Variants in POMGNT1 observed in about 807,000 individuals in gnomAD.
POMGNT1 encodes the protein protein O-linked-mannose beta-1,2-N-acetylglucosaminyltransferase 1.
A neutral mutation model predicts 95.6 loss-of-function variants in POMGNT1; 67 were observed. The ratio of observed to expected loss-of-function variants is 0.70; its 90% CI spans 0.58 to 0.86. The LOEUF is 0.86. POMGNT1 is among the 40% of genes least tolerant of loss of function. POMGNT1 has a pLI of 0.00. For synonymous variants in POMGNT1, 298 were observed against 317.9 expected (o/e 0.94, Z 0.66); for missense variants, 719 against 855.2 (o/e 0.84, Z 1.99).
rs765986611 is a variant in POMGNT1 at position 46,196,732 on chromosome 1, G to A, written c.353C>T (p.Thr118Met). 9.3e-6 allele frequency: 15 copies of A among 1,614,002 alleles called. No individual in the cohort carries two copies. Among genetic ancestry groups the A allele is most frequent in the East Asian group, 6.7e-5 (3 of 44,900 alleles). The change falls in exon 4 of 22, where the codon ACG (threonine) becomes ATG (methionine). Residue 118 changes from threonine to methionine, a missense_variant and splice_region_variant. By Grantham distance (81) the Thr-to-Met change is moderately conservative. Coordinates refer to ENST00000371984, the MANE Select transcript of POMGNT1 (RefSeq NM_017739.4). The surrounding 1 kb of genome is among the most constrained non-coding windows in gnomAD (Gnocchi z 4.4). The stretch of plus-strand genomic sequence containing the variant: ...TACACCAGACCCTGGCCCACTGACC[G>A]TGGTGCCATCCACTGCCACATATAC... ...SKVYVAVDGT[T>M]VLEDEAREQG... is the part of the protein sequence containing the mutation.
At chr1:46,210,073 T>C (rs553991171) in intron 1 of POMGNT1, among the ~76,000 whole-genome samples, 68 of 152,322 alleles carry the variant, frequency 4.5e-4, no homozygotes, top group Non-Finnish European at 7.8e-4. Context: ...TCATCTCCCC[T>C]TATTGAGACT....
At position 46,188,683 on chromosome 1, in the gene POMGNT1, C is replaced by A; in HGVS notation, c.*587G>T. ...CACAAAATCACAATCACAAGACATC[C>A]CCAGAGGGCTTCTCCTTTTTTAATC... On this transcript the variant is annotated 3_prime_UTR_variant, in exon 22 of 22. Coordinates refer to ENST00000371984, the MANE Select transcript of POMGNT1 (RefSeq NM_017739.4). 1 of 1,589,840 alleles carries A rather than the reference C, an allele frequency of 6.3e-7. No individual in the cohort carries two copies. The highest frequency in any genetic ancestry group is 8.6e-7 in the Non-Finnish European group (1 of 1,165,736).
At chr1:46,198,715 A>T (rs1347653034), upstream of POMGNT1, among the ~76,000 whole-genome samples, 4 of 152,172 alleles carry the variant, frequency 2.6e-5, no homozygotes, top group African/African-American at 9.6e-5. Flanking sequence ...ACCTTGGACC[A>T]GATCACAGGG....
upstream of POMGNT1, chr1:46,198,518 GGGCGGCGGC>G (rs562692247): frequency 3.7e-4 from 55 of 147,534 alleles, no homozygotes; most frequent in East Asian, 3.2e-3. Context: ...GCGGTGCTTA[GGGCGGCGGC>G]GGCGGCGGCG....
intron 9 of POMGNT1, 106 bp downstream of exon 9, chr1:46,194,168 T>C (rs1658020809): frequency 6.3e-7 from 1 of 1,599,580 alleles, no homozygotes; most frequent in Non-Finnish European, 8.5e-7. Context: ...CTGCCCCTGG[T>C]TCTCTCCCAG....
rs1248742475 is a variant in POMGNT1 at position 46,198,346 on chromosome 1, C to A, written c.-61G>T. ...CGCGGAGGCACTCACGGCTTAGGGG[C>A]CCCGGGCCCCGCTCGGGCCCCGCTA... On this transcript the variant is annotated 5_prime_UTR_variant, in exon 1 of 22. Coordinates refer to ENST00000371984, the MANE Select transcript of POMGNT1 (RefSeq NM_017739.4). The A allele has an allele frequency of 1.3e-5, 2 of 153,258 alleles. No individual in the cohort carries two copies. Among genetic ancestry groups the A allele is most frequent in the African/African-American group, 4.8e-5 (2 of 41,444 alleles). 9.5% of individuals were successfully genotyped at this position (153,258 alleles called of 1,614,324 possible). A position where few individuals can be genotyped will look rare whatever the true frequency, so the allele number is the denominator to read the frequency against.
At chr1:46,215,618 G>C (rs986228644) in intron 1 of POMGNT1, among the ~76,000 whole-genome samples, 3 of 152,240 alleles carry the variant, frequency 2.0e-5, no homozygotes, top group African/African-American at 7.2e-5. Context: ...AGACATGGAG[G>C]CTGGGTGCCA....
Position 46,196,992 on chromosome 1 carries a change from G to A in POMGNT1, c.213C>T (p.Asp71=), listed in dbSNP as rs909246508. The change falls in exon 3 of 22, where the codon GAC becomes GAT. Residue 71 remains aspartate (D), a synonymous_variant. Coordinates refer to ENST00000371984, the MANE Select transcript of POMGNT1 (RefSeq NM_017739.4). The surrounding 1 kb of genome is among the most constrained non-coding windows in gnomAD (Gnocchi z 4.4). ...TACCATAGTCTTGCTCTGGCTCTGG[G>A]TCTTCATTGGCTTCACTGATGGCTC... is the stretch of plus-strand genomic sequence containing the variant. The part of the protein sequence containing the change: ...TRRAISEANE[D]PEPEQDYDEA... 1.2e-6 allele frequency: 2 copies of A among 1,614,082 alleles called. No homozygotes were observed. Among genetic ancestry groups the A allele is most frequent in the African/African-American group, 1.3e-5 (1 of 74,930 alleles).
At position 46,190,764 on chromosome 1, in the gene POMGNT1, G is replaced by C; in HGVS notation, c.1560C>G (p.His520Gln). The change falls in exon 18 of 22, where the codon CAC becomes CAG. Residue 520 changes from histidine to glutamine, a missense_variant. Physicochemically the swap from His to Gln is conservative, Grantham distance 24 (BLOSUM62 0). Transcript: ENST00000371984. ...GYFHEAYFKKHKFNTVPGVQL... is the reference protein window; with the variant it reads ...GYFHEAYFKKQKFNTVPGVQL... ...GGACACCTGGAACCGTGTTGAACTT[G>C]TGCTTCTTGAAGTAGGCCTCCTGGA... is the stretch of plus-strand genomic sequence containing the variant. 1 of 1,613,924 alleles carries C rather than the reference G, an allele frequency of 6.2e-7. No individual in the cohort carries two copies. Among genetic ancestry groups the C allele is most frequent in the Non-Finnish European group, 8.5e-7 (1 of 1,179,816 alleles).
At chr1:46,214,461 C>T (rs1347705974) in intron 1 of POMGNT1, among the ~76,000 whole-genome samples, 1 of 152,022 alleles carries the variant, frequency 6.6e-6, no homozygotes, top group East Asian at 1.9e-4. Context: ...AAAGATAATA[C>T]TGTAGCCATG....
intron 1 of POMGNT1, among the ~76,000 whole-genome samples, chr1:46,216,461 C>A (rs1659074977): frequency 6.6e-6 from 1 of 152,138 alleles, no homozygotes; most frequent in South Asian, 2.1e-4. Flanking sequence ...CTCACCTCAG[C>A]CTCCCGAGGA....
intron 1 of POMGNT1, among the ~76,000 whole-genome samples, chr1:46,210,589 G>C (rs1436218380): frequency 6.6e-6 from 1 of 152,054 alleles, no homozygotes; most frequent in East Asian, 1.9e-4. Flanking sequence ...TTGGTTTGCT[G>C]GTGTGGCTCA....
chr1:46,207,971 G>A (rs1162676430), intron 1 of POMGNT1, among the ~76,000 whole-genome samples: 1 of 151,548 alleles, frequency 6.6e-6, no homozygotes, highest in Non-Finnish European at 1.5e-5. Flanking sequence ...GGGTTCAAGC[G>A]ATTCTCCTGC....
At chr1:46,192,269 TA>T (rs1557671851) in intron 16 of POMGNT1, 38 bp downstream of exon 16, 1 of 1,614,152 alleles carries the variant, frequency 6.2e-7, no homozygotes, top group East Asian at 2.2e-5. Context: ...TTCGAGTTGG[TA>T]GGGGACTCCA....
At position 46,192,028 on chromosome 1, in the gene POMGNT1, G is replaced by A. The variant is rs755533951; in HGVS notation, c.1539+70C>T. On this transcript the variant is annotated intron_variant, in intron 17 of 21. Transcript: ENST00000371984. ...GCTAGCAAGTAGCAGAGCTAAGATT[G>A]CTTCAGAGTCCATGTTCTTGTTCTT... 1.2e-5 allele frequency: 18 copies of A among 1,529,354 alleles called. No homozygotes were observed. The South Asian group carries it at 2.1e-4, about 18-fold the overall frequency. 94.7% of individuals were successfully genotyped at this position (1,529,354 alleles called of 1,614,324 possible). A position where few individuals can be genotyped will look rare whatever the true frequency, so the allele number is the denominator to read the frequency against.
chr1:46,207,541 TTTC>T (rs1658754438), intron 1 of POMGNT1, among the ~76,000 whole-genome samples: 3 of 152,074 alleles, frequency 2.0e-5, no homozygotes, highest in African/African-American at 4.8e-5. Flanking sequence ...TCTTTCTTTC[TTTC>T]TTTTTTTTTT....
In POMGNT1 at chr1:46,194,367, G is replaced by A; in HGVS notation, c.786C>T (p.Asn262=). 6.2e-7 allele frequency: 1 copy of A among 1,614,224 alleles called. No individual in the cohort carries two copies. Among genetic ancestry groups the A allele is most frequent in the South Asian group, 1.1e-5 (1 of 91,086 alleles). Residue 262 remains asparagine (N), a synonymous_variant, in exon 9 of 22, where the codon AAC becomes AAT. Coordinates refer to ENST00000371984, the MANE Select transcript of POMGNT1 (RefSeq NM_017739.4). ...TGCTGCAGAAGCGCCGGCGGCGACGGTTCAGCTCTGTGTCTGCCCAGTGGC... is the reference window on the plus strand; with the variant it reads ...TGCTGCAGAAGCGCCGGCGGCGACGATTCAGCTCTGTGTCTGCCCAGTGGC... ...AECHWADTEL[N]RRRRRFCSKV... is the part of the protein sequence containing the mutation.
chr1:46,207,137 A>G (rs148531619), intron 1 of POMGNT1, among the ~76,000 whole-genome samples: 3 of 151,024 alleles, frequency 2.0e-5, no homozygotes, highest in East Asian at 3.9e-4. Context: ...CTGGAGTGCA[A>G]TGGTACAATG....
intron 20 of POMGNT1, 52 bp from the exon 21 acceptor site, chr1:46,189,619 G>C: frequency 6.3e-7 from 1 of 1,576,232 alleles, no homozygotes; most frequent in Non-Finnish European, 8.6e-7. Context: ...CTGTAGGGAG[G>C]GGTCACTGAC....
Sources: allele counts gnomAD v4.1 joint callset (sites outside exome capture counted in the v4.1 genomes callset), GRCh38; gene constraint gnomAD v4.1.1; non-coding constraint Gnocchi (gnomAD v3.1); transcripts MANE v1.5; gene names NCBI Gene and HGNC (gene_info 2026-07-23, HGNC 2026-07-21).